PRKG1: variants seen among roughly 807,000 people sequenced by gnomAD.
PRKG1 encodes cGMP-dependent protein kinase 1.
Under a neutral mutation model 88.1 loss-of-function variants are expected in PRKG1, and 35 were observed. That is an observed-to-expected ratio of 0.40 (90% confidence interval 0.30 to 0.53). The LOEUF (loss-of-function observed/expected upper bound fraction) is 0.53. PRKG1 is among the 20% of genes least tolerant of loss of function. PRKG1 has a pLI of 0.59. For synonymous variants in PRKG1, 303 were observed against 292.5 expected (o/e 1.04, Z -0.37); for missense variants, 540 against 839.8 (o/e 0.64, Z 4.41).
At chr10:51,155,835 G>A (rs1846195926) in intron 2 of PRKG1, among the ~76,000 whole-genome samples, 1 of 151,854 alleles carries the variant, frequency 6.6e-6, no homozygotes. Flanking sequence ...CATTATTGGA[G>A]GGTAATCAGC....
intron 2 of PRKG1, among the ~76,000 whole-genome samples, chr10:51,433,334 CA>C (rs1239030337): frequency 2.0e-5 from 3 of 152,050 alleles, no homozygotes; most frequent in Non-Finnish European, 4.4e-5. Context: ...GCTTTAAAAT[CA>C]GATGAAACAT....
intron 4 of PRKG1, among the ~76,000 whole-genome samples, chr10:51,815,725 T>C (rs566953171): frequency 1.3e-5 from 2 of 152,312 alleles, no homozygotes; most frequent in East Asian, 3.9e-4. Flanking sequence ...TTAATCATAA[T>C]TTATTTATCA....
At chr10:51,288,581 T>C (rs1036560974) in intron 2 of PRKG1, among the ~76,000 whole-genome samples, 1 of 152,178 alleles carries the variant, frequency 6.6e-6, no homozygotes, top group Admixed American at 6.5e-5. Flanking sequence ...TCAAGGAGAT[T>C]CTGAGTGAAT....
intron 7 of PRKG1, among the ~76,000 whole-genome samples, chr10:52,117,164 C>CTGTGTGTGTG (rs71459438): frequency 0.19 from 26,872 of 138,994 alleles, 3,021 homozygotes; most frequent in East Asian, 0.5. Context: ...TGTGAAATAT[C>CTGTGTGTGTG]TGTGTGTGTG....
At chr10:51,726,398 T>TG (rs1243505337) in intron 3 of PRKG1, among the ~76,000 whole-genome samples, 2 of 152,258 alleles carry the variant, frequency 1.3e-5, no homozygotes, top group East Asian at 3.8e-4. Context: ...GTAAAACCAT[T>TG]GAAACTTCCT....
intron 5 of PRKG1, among the ~76,000 whole-genome samples, chr10:51,951,579 C>T (rs1436670071): frequency 6.6e-6 from 1 of 151,946 alleles, no homozygotes; most frequent in African/African-American, 2.4e-5. Flanking sequence ...TTTCCAAAGA[C>T]CTTATGGTAC....
At chr10:51,250,164 A>G (rs1056122652) in intron 2 of PRKG1, among the ~76,000 whole-genome samples, 1 of 151,770 alleles carries the variant, frequency 6.6e-6, no homozygotes, top group African/African-American at 2.4e-5. Context: ...CAAAAGACCA[A>G]TTTATTCAGT....
chr10:51,368,992 A>G (rs1347694484), intron 2 of PRKG1, among the ~76,000 whole-genome samples: 2 of 152,102 alleles, frequency 1.3e-5, no homozygotes, highest in East Asian at 1.9e-4. Context: ...CTTCATCTTC[A>G]TAACACCAGA....
At chr10:51,239,720 C>A (rs560085850) in intron 2 of PRKG1, among the ~76,000 whole-genome samples, 1 of 152,052 alleles carries the variant, frequency 6.6e-6, no homozygotes, top group Non-Finnish European at 1.5e-5. Flanking sequence ...GAAGTGGTTA[C>A]AAGAAAGCAG....
At chr10:51,439,124 C>A (rs10822996) in intron 2 of PRKG1, among the ~76,000 whole-genome samples, 1 of 151,458 alleles carries the variant, frequency 6.6e-6, no homozygotes, top group Non-Finnish European at 1.5e-5. Flanking sequence ...AATGTTTCGC[C>A]CCCCCTTACG....
chr10:51,211,372 A>G (rs1838215682), intron 2 of PRKG1, among the ~76,000 whole-genome samples: 1 of 152,202 alleles, frequency 6.6e-6, no homozygotes, highest in African/African-American at 2.4e-5. Context: ...CTGAATGGAC[A>G]AAAACTGGAA....
intron 1 of PRKG1, among the ~76,000 whole-genome samples, chr10:51,152,892 G>A (rs1846108622): frequency 6.6e-6 from 1 of 151,244 alleles, no homozygotes; most frequent in South Asian, 2.1e-4. Context: ...AAAGCAAAAT[G>A]GACTTGTATG....
intron 1 of PRKG1, among the ~76,000 whole-genome samples, chr10:51,110,533 G>A (rs541111890): frequency 6.6e-6 from 1 of 152,074 alleles, no homozygotes; most frequent in African/African-American, 2.4e-5. Context: ...CTGGGATGGA[G>A]AGAGGAATGA....
Position 51,367,183 on chromosome 10 carries a change from G to A in PRKG1, c.479-100540G>A, listed in dbSNP as rs1842608849. On this transcript the variant is annotated intron_variant, in intron 2 of 17. Transcript: ENST00000373980. ...AAAAGAAAGTATTTTCAGCTCCACG[G>A]ATTTCAACAGGGAGGCTTTTAACAG... Among the ~76,000 whole-genome samples the A allele has an allele frequency of 7.2e-5, 11 of 151,972 alleles. No individual in the cohort carries two copies. The South Asian group carries it at 2.3e-3, about 32-fold the overall frequency.
chr10:51,426,170 A>G (rs1028488557), intron 2 of PRKG1, among the ~76,000 whole-genome samples: 3 of 152,172 alleles, frequency 2.0e-5, no homozygotes, highest in African/African-American at 4.8e-5. Flanking sequence ...AACTCCAGCT[A>G]CTAGGGAGCC....
chr10:51,861,597 C>T (rs1011721218), intron 4 of PRKG1, among the ~76,000 whole-genome samples: 1 of 152,046 alleles, frequency 6.6e-6, no homozygotes, highest in South Asian at 2.1e-4. Flanking sequence ...TACAGCAGCT[C>T]CTATATCTTT....
At chr10:51,687,156 A>G (rs1006393497) in intron 3 of PRKG1, among the ~76,000 whole-genome samples, 6 of 152,226 alleles carry the variant, frequency 3.9e-5, no homozygotes, top group African/African-American at 1.4e-4. Flanking sequence ...TTTCAAGAAA[A>G]AAAAAGTTAA....
At chr10:51,129,470 A>G (rs1329001905) in intron 1 of PRKG1, among the ~76,000 whole-genome samples, 2 of 152,160 alleles carry the variant, frequency 1.3e-5, no homozygotes, top group African/African-American at 2.4e-5. Context: ...CAAAGAAAAA[A>G]AAAAAGAAAA....
chr10:51,005,934 T>C lies in PRKG1; in HGVS notation c.266+14290T>C, dbSNP rs74133933. Among the ~76,000 whole-genome samples, 188 of 152,342 alleles carry C rather than the reference T, an allele frequency of 1.2e-3. 1 individual carries two copies. Among genetic ancestry groups the C allele is most frequent in the African/African-American group, 4.4e-3 (183 of 41,580 alleles). The stretch of plus-strand genomic sequence containing the variant: ...AATAATGAGGGGATAACTTTTCATA[T>C]CTGGTGGAGTTGCAGATGTAGAGAT... On this transcript the variant is annotated intron_variant, in intron 1 of 17. Coordinates refer to the PRKG1 transcript ENST00000401604.
Sources: gnomAD v4.1 joint callset for allele counts (sites outside exome capture counted in the v4.1 genomes callset) on GRCh38, gnomAD v4.1.1 for gene constraint, MANE v1.5 for transcripts, NCBI Gene and HGNC (gene_info 2026-07-23, HGNC 2026-07-21) for gene names.